Variants in FHIP2A observed in about 807,000 individuals in gnomAD.
FHIP2A encodes the protein family with sequence similarity 160 member B1.
FHIP2A carries 46 observed loss-of-function variants against 93.5 expected under a neutral mutation model. That is an observed-to-expected ratio of 0.49 (90% CI 0.39 to 0.63). FHIP2A has a LOEUF of 0.63. Ranked by LOEUF, FHIP2A falls within the 20% of genes least tolerant of loss-of-function variation. FHIP2A has a pLI of 0.00. For missense variants in FHIP2A, 769 were observed against 909.7 expected, an observed-to-expected ratio of 0.85 and a Z score of 1.99; for synonymous variants, 332 against 326.5, an observed-to-expected ratio of 1.02 and a Z score of -0.18.
At chr10:114,878,790 A>AG (rs1324734644) in intron 16 of FHIP2A, among the ~76,000 whole-genome samples, 22 of 149,502 alleles carry the variant, frequency 1.5e-4, no homozygotes, top group African/African-American at 3.2e-4. Context: ...AAAAAAAAAA[A>AG]AAAAGAAAGA....
At chr10:114,838,666 A>T (rs1358644358) in intron 5 of FHIP2A, among the ~76,000 whole-genome samples, 1 of 152,178 alleles carries the variant, frequency 6.6e-6, no homozygotes, top group Non-Finnish European at 1.5e-5. Context: ...CTTTCTCAAA[A>T]ATTTCTGAAA....
intron 16 of FHIP2A, among the ~76,000 whole-genome samples, chr10:114,871,735 T>G (rs1364779397): frequency 6.6e-6 from 1 of 152,136 alleles, no homozygotes; most frequent in Non-Finnish European, 1.5e-5. Flanking sequence ...CGCCCCTCAT[T>G]AATATATTTC....
chr10:114,867,710 A>AGGAT (rs201690347), downstream of FHIP2A, among the ~76,000 whole-genome samples: 1,032 of 152,236 alleles, frequency 6.8e-3, 7 homozygotes, highest in African/African-American at 0.024. Flanking sequence ...ATGGAGAGAT[A>AGGAT]GGATGTGTAG....
At chr10:114,822,402 C>T (rs1385833283) in intron 1 of FHIP2A, among the ~76,000 whole-genome samples, 3 of 152,046 alleles carry the variant, frequency 2.0e-5, no homozygotes, top group Non-Finnish European at 2.9e-5. Flanking sequence ...CCGGGGAGGA[C>T]CTGGCCGCCC....
chr10:114,856,201 A>C lies in FHIP2A; in HGVS notation c.1947+861A>C, dbSNP rs761360751. Among the ~76,000 whole-genome samples, 4 of 152,238 alleles carry C rather than the reference A, an allele frequency of 2.6e-5. No individual in the cohort carries two copies. The South Asian group carries it at 6.2e-4, about 24-fold the overall frequency. On this transcript the variant is annotated intron_variant, in intron 14 of 16. Transcript: ENST00000369248. ...CTGTCTTCAGTAACTAGAAAGTCAA[A>C]TAAAGAAATTGTAATCTAAGAAGTA...
rs753914202 is a variant in FHIP2A at position 114,855,186 on chromosome 10, T to A, written c.1804-11T>A. 6.3e-7 allele frequency: 1 copy of A among 1,596,968 alleles called. No individual in the cohort carries two copies. Among genetic ancestry groups the A allele is most frequent in the African/African-American group, 1.3e-5 (1 of 74,178 alleles). On this transcript the variant is annotated splice_polypyrimidine_tract_variant and intron_variant, in intron 13 of 16. Transcript: ENST00000369248. ...TGTTCTTTAATGATTCACATGCTTT[T>A]TTCCCCCTAGTTCCGAGACTACTGT...
In FHIP2A at chr10:114,863,414, C is replaced by T; in HGVS notation, c.*1874C>T. On this transcript the variant is annotated 3_prime_UTR_variant, in exon 17 of 17. Coordinates refer to ENST00000369248, the MANE Select transcript of FHIP2A (RefSeq NM_020940.4). ...ATAGGTGTAGTAGCAATGATATTAC[C>T]TCTGAAACCAAATACTCTTTTATCC... is the stretch of plus-strand genomic sequence containing the variant. 9.5e-7 allele frequency: 1 copy of T among 1,051,576 alleles called. No homozygotes were observed. The highest frequency in any genetic ancestry group is 1.2e-6 in the Non-Finnish European group (1 of 868,808). 65.1% of individuals were successfully genotyped at this position (1,051,576 alleles called of 1,614,324 possible). A position where few individuals can be genotyped will look rare whatever the true frequency, so the allele number is the denominator to read the frequency against.
chr10:114,859,939 A>G (rs2083788023), intron 14 of FHIP2A, among the ~76,000 whole-genome samples: 1 of 152,178 alleles, frequency 6.6e-6, no homozygotes, highest in South Asian at 2.1e-4. Flanking sequence ...TTCTGGTGAC[A>G]AGGTTCTGTG....
In FHIP2A at chr10:114,861,411, T is replaced by G. The variant is rs749157806; in HGVS notation, c.2193-24T>G. On this transcript the variant is annotated intron_variant, in intron 16 of 16. Coordinates refer to ENST00000369248, the MANE Select transcript of FHIP2A (RefSeq NM_020940.4). ...GATCGGCTGCTATCTTGAATTGATT[T>G]ATTGTCTGTTTTTTCCTTACCAGTA... 5.0e-6 allele frequency: 8 copies of G among 1,613,820 alleles called. No homozygotes were observed. In the South Asian group the frequency reaches 8.8e-5, roughly 18 times the overall value.
intron 16 of FHIP2A, among the ~76,000 whole-genome samples, chr10:114,893,860 T>G (rs2083987612): frequency 1.3e-5 from 2 of 152,200 alleles, no homozygotes; most frequent in South Asian, 4.1e-4. Flanking sequence ...AAATATATTA[T>G]GTGCAAAAGC....
chr10:114,856,718 A>G (rs111408698), intron 14 of FHIP2A, among the ~76,000 whole-genome samples: 149 of 152,380 alleles, frequency 9.8e-4, no homozygotes, highest in African/African-American at 3.3e-3. Context: ...AAAAGGATAC[A>G]TTGAAAACAG....
intron 1 of FHIP2A, among the ~76,000 whole-genome samples, chr10:114,823,646 C>T (rs922111327): frequency 6.7e-6 from 1 of 149,716 alleles, no homozygotes; most frequent in African/African-American, 2.5e-5. Context: ...AGGCACCCGC[C>T]ACCACACACG....
intron 5 of FHIP2A, among the ~76,000 whole-genome samples, chr10:114,837,792 C>G (rs1324557606): frequency 6.6e-6 from 1 of 152,166 alleles, no homozygotes; most frequent in African/African-American, 2.4e-5. Flanking sequence ...TGTAATTAGC[C>G]TTTTGATTCT....
rs746861996 is a variant in FHIP2A at position 114,843,875 on chromosome 10, C to T, written c.951C>T (p.Tyr317=). Residue 317 remains tyrosine (Y), a synonymous_variant, in exon 7 of 17, where the codon TAC becomes TAT. Coordinates refer to ENST00000369248, the MANE Select transcript of FHIP2A (RefSeq NM_020940.4). ...TGACAGACAGACTTGCCTCCCTGTA[C>T]AAGGCCCTACCTCAGTCAGTGGATC... The part of the protein sequence containing the change: ...ELLTDRLASL[Y]KALPQSVDPL... The T allele has an allele frequency of 6.2e-7, 1 of 1,610,504 alleles. No homozygotes were observed. Among genetic ancestry groups the T allele is most frequent in the South Asian group, 1.1e-5 (1 of 90,438 alleles).
chr10:114,884,586 T>C (rs2083932369), intron 16 of FHIP2A, among the ~76,000 whole-genome samples: 1 of 152,176 alleles, frequency 6.6e-6, no homozygotes, highest in South Asian at 2.1e-4. Flanking sequence ...TCCCTTCATT[T>C]GTCAGGGAAT....
In FHIP2A at chr10:114,864,236, A is replaced by G; in HGVS notation, c.*2696A>G. 1 of 983,988 alleles carries G rather than the reference A, an allele frequency of 1.0e-6. No homozygotes were observed. Among genetic ancestry groups the G allele is most frequent in the African/African-American group, 1.7e-5 (1 of 57,328 alleles). The allele number at this position is 983,988 out of a possible 1,614,324, so 61.0% of individuals were successfully genotyped here. On this transcript the variant is annotated 3_prime_UTR_variant, in exon 17 of 17. Coordinates refer to ENST00000369248, the MANE Select transcript of FHIP2A (RefSeq NM_020940.4). ...GGAATTACTTCATAAATTCATGGTA[A>G]TGTTTTCATAAATTATTGCATTAAC... is the stretch of plus-strand genomic sequence containing the variant.
chr10:114,824,793 C>T (rs942088302), intron 1 of FHIP2A, among the ~76,000 whole-genome samples: 1 of 152,160 alleles, frequency 6.6e-6, no homozygotes, highest in African/African-American at 2.4e-5. Flanking sequence ...TCTGTGTGTT[C>T]CTGTTCATGT....
chr10:114,832,945 C>A (rs1027409701), intron 2 of FHIP2A, among the ~76,000 whole-genome samples: 1 of 152,030 alleles, frequency 6.6e-6, no homozygotes, highest in Admixed American at 6.6e-5. Flanking sequence ...GATTCCTGAC[C>A]TCAGGTGATC....
downstream of FHIP2A, among the ~76,000 whole-genome samples, chr10:114,865,010 CAG>C (rs80313197): frequency 0.32 from 48,083 of 150,934 alleles, 8,177 homozygotes; most frequent in Non-Finnish European, 0.39. Flanking sequence ...TTTTTTGAGG[CAG>C]AGTCTCGCTC....
Sources: gnomAD v4.1 joint callset for allele counts (sites outside exome capture counted in the v4.1 genomes callset) on GRCh38, gnomAD v4.1.1 for gene constraint, MANE v1.5 for transcripts, NCBI Gene and HGNC (gene_info 2026-07-23, HGNC 2026-07-21) for gene names.